SPINK5: variants seen among roughly 807,000 people sequenced by gnomAD.
SPINK5 encodes serine peptidase inhibitor Kazal type 5, also known as serine protease inhibitor Kazal-type 5.
A neutral mutation model predicts 151.8 loss-of-function variants in SPINK5; 125 were observed. The observed-to-expected ratio is 0.82, with a 90% CI of 0.71 to 0.96. The LOEUF (loss-of-function observed/expected upper bound fraction) is 0.96. Among genes scored for constraint, SPINK5 ranks in the 40% least tolerant of loss-of-function variants. The pLI is 0.00. For synonymous variants in SPINK5, 374 were observed against 395.3 expected, an observed-to-expected ratio of 0.95 and a Z score of 0.64; for missense variants, 1,194 against 1,291.9, an observed-to-expected ratio of 0.92 and a Z score of 1.16.
rs142153164 is a variant in SPINK5 at position 148,082,983 on chromosome 5, C to CTT, written c.283-3413_283-3412dup. Among the ~76,000 whole-genome samples, 1,276 of 133,930 alleles carry CTT rather than the reference C, an allele frequency of 9.5e-3. 28 individuals are homozygous for CTT. The highest frequency in any genetic ancestry group is 0.033 in the African/African-American group (1,174 of 35,558). 87.9% of individuals were successfully genotyped at this position (133,930 alleles called of 152,430 possible). ...TATAAAAATCTAATGGCTTAATATT[C>CTT]TTTTTTTTTTACTTAATATATAAAT... On this transcript the variant is annotated intron_variant, in intron 4 of 32. Coordinates refer to ENST00000256084, the MANE Select transcript of SPINK5 (RefSeq NM_006846.4).
chr5:148,096,752 C>T (rs59668483), intron 10 of SPINK5, among the ~76,000 whole-genome samples: 31,457 of 129,460 alleles, frequency 0.24, 4,956 homozygotes, highest in African/African-American at 0.52. Flanking sequence ...CTTTTCTTTT[C>T]TTTTTTTTTT....
chr5:148,113,732 A>G (rs1754006793), intron 20 of SPINK5, among the ~76,000 whole-genome samples: 1 of 99,766 alleles, frequency 1.0e-5, no homozygotes, highest in East Asian at 5.0e-4. Context: ...GCACAGTTGT[A>G]ATAATTCTAA....
At chr5:148,069,293 C>A (rs941161049) in intron 2 of SPINK5, among the ~76,000 whole-genome samples, 4 of 151,566 alleles carry the variant, frequency 2.6e-5, no homozygotes, top group African/African-American at 9.7e-5. Flanking sequence ...CAAAGAATTA[C>A]CACTTTTGAA....
At chr5:148,132,074 T>C (rs1754586443) in intron 31 of SPINK5, among the ~76,000 whole-genome samples, 1 of 152,256 alleles carries the variant, frequency 6.6e-6, no homozygotes, top group African/African-American at 2.4e-5. Context: ...TATCTTAAGT[T>C]AAATACAAGG....
chr5:148,087,953 A>T (rs1753205790), intron 5 of SPINK5, among the ~76,000 whole-genome samples: 1 of 151,596 alleles, frequency 6.6e-6, no homozygotes, highest in South Asian at 2.1e-4. Flanking sequence ...TTTTTACTAA[A>T]TTTTTATTGT....
intron 32 of SPINK5, 121 bp from the exon 33 acceptor site, chr5:148,136,862 C>T: frequency 7.7e-7 from 1 of 1,302,766 alleles, no homozygotes; most frequent in Non-Finnish European, 1.1e-6. Flanking sequence ...TAAATTGCTA[C>T]TTCTTTGCAG....
intron 2 of SPINK5, among the ~76,000 whole-genome samples, chr5:148,069,766 A>T (rs142570570): frequency 6.6e-6 from 1 of 152,152 alleles, no homozygotes; most frequent in Non-Finnish European, 1.5e-5. Context: ...TGTGCTCATA[A>T]GTCAAATGAT....
At chr5:148,094,240 A>T in intron 8 of SPINK5, 114 bp from the exon 9 acceptor site, 1 of 1,177,040 alleles carries the variant, frequency 8.5e-7, no homozygotes, top group Non-Finnish European at 1.2e-6. Context: ...GGCTTCACTG[A>T]GCTATGATCA....
chr5:148,078,841 A>C (rs1752950047), intron 4 of SPINK5, among the ~76,000 whole-genome samples: 1 of 150,772 alleles, frequency 6.6e-6, no homozygotes, highest in Non-Finnish European at 1.5e-5. Context: ...TCAATAATTT[A>C]ATCCTCTACC....
chr5:148,100,099 C>T (rs992154849), intron 12 of SPINK5, among the ~76,000 whole-genome samples: 15 of 152,080 alleles, frequency 9.9e-5, no homozygotes, highest in Non-Finnish European at 1.9e-4. Flanking sequence ...TACACTTCCA[C>T]AGTCTCACCT....
chr5:148,066,804 T>C (rs1752599092), intron 2 of SPINK5, among the ~76,000 whole-genome samples: 2 of 152,334 alleles, frequency 1.3e-5, no homozygotes, highest in African/African-American at 4.8e-5. Flanking sequence ...TTTACACTGC[T>C]ATTTTTCATA....
chr5:148,114,249 T>A (rs1581095951), intron 20 of SPINK5, 113 bp from the exon 21 acceptor site: 56 of 1,265,654 alleles, frequency 4.4e-5, no homozygotes, highest in South Asian at 5.4e-5. Flanking sequence ...AGAAAAAAAA[T>A]TCTCAGGTCA....
chr5:148,071,316 A>G (rs2127190687), intron 3 of SPINK5, among the ~76,000 whole-genome samples: 1 of 152,188 alleles, frequency 6.6e-6, no homozygotes, highest in Admixed American at 6.6e-5. Context: ...GTAGTCAATC[A>G]TATTGGGATA....
intron 2 of SPINK5, among the ~76,000 whole-genome samples, chr5:148,068,591 A>AAAGG (rs1561671608): frequency 1.3e-5 from 2 of 150,364 alleles, no homozygotes; most frequent in Non-Finnish European, 3.0e-5. Context: ...AGAAAGAAAG[A>AAAGG]AAGAAAGAAA....
chr5:148,120,163 G>C lies in SPINK5; in HGVS notation c.2441+27G>C, dbSNP rs536978545. 1.4e-5 allele frequency: 23 copies of C among 1,614,006 alleles called. 1 individual carries two copies. The South Asian group carries it at 2.4e-4, about 17-fold the overall frequency. On this transcript the variant is annotated intron_variant, in intron 25 of 32. Transcript: ENST00000256084. Reference sequence around the variant, plus strand: ...TGAGTATGTTTCAAAATGAGCTTTTGACTGTGAGTCTTAAAGTACAATAAT... The same window carrying C: ...TGAGTATGTTTCAAAATGAGCTTTTCACTGTGAGTCTTAAAGTACAATAAT...
intron 4 of SPINK5, among the ~76,000 whole-genome samples, chr5:148,084,939 G>C (rs932461639): frequency 6.6e-6 from 1 of 151,774 alleles, no homozygotes; most frequent in African/African-American, 2.4e-5. Context: ...CTTTCTATCA[G>C]AATGTAAGCT....
chr5:148,099,688 C>A (rs1978446), intron 12 of SPINK5, among the ~76,000 whole-genome samples: 67,848 of 151,744 alleles, frequency 0.45, 16,480 homozygotes, highest in Admixed American at 0.58. Context: ...CCCCCACCAA[C>A]GCATGATTTT....
In SPINK5 at chr5:148,064,043, A is replaced by T; in HGVS notation, c.-2A>T. ...CTGTAGGCGACTTGCATCGTCTTCAACATGAAGATAGCCACAGTGTCAGTG... is the reference window on the plus strand; with the variant it reads ...CTGTAGGCGACTTGCATCGTCTTCATCATGAAGATAGCCACAGTGTCAGTG... On this transcript the variant is annotated 5_prime_UTR_variant, in exon 1 of 33. Coordinates refer to ENST00000256084, the MANE Select transcript of SPINK5 (RefSeq NM_006846.4). 1 of 1,614,206 alleles carries T rather than the reference A, an allele frequency of 6.2e-7. No individual in the cohort carries two copies. Among genetic ancestry groups the T allele is most frequent in the Non-Finnish European group, 8.5e-7 (1 of 1,180,028 alleles).
At chr5:148,132,409 TTAGGTAAGGTATGGTAGATA>T (rs1308770876) in intron 31 of SPINK5, among the ~76,000 whole-genome samples, 2 of 152,120 alleles carry the variant, frequency 1.3e-5, no homozygotes, top group South Asian at 2.1e-4. Flanking sequence ...AATTCATCTT[TTAGGTAAGGTATGGTAGATA>T]TAGGTAAGGT....
Sources: gnomAD v4.1 joint callset for allele counts (sites outside exome capture counted in the v4.1 genomes callset) on GRCh38, gnomAD v4.1.1 for gene constraint, MANE v1.5 for transcripts, NCBI Gene and HGNC (gene_info 2026-07-23, HGNC 2026-07-21) for gene names.